DENND10: variants seen among roughly 807,000 people sequenced by gnomAD.
DENND10 encodes the protein DENN domain-containing protein 10.
DENND10 carries 24 observed loss-of-function variants against 43.6 expected under a neutral mutation model. The ratio of observed to expected loss-of-function variants is 0.55; its 90% CI spans 0.40 to 0.77. DENND10 has a LOEUF of 0.77. DENND10 is among the 30% of genes least tolerant of loss of function. DENND10 has a pLI of 0.00. For synonymous variants in DENND10, 125 were observed against 157.6 expected (o/e 0.79, Z 1.55); for missense variants, 303 against 429.9 (o/e 0.70, Z 2.61).
intron 8 of DENND10, chr10:119,134,579 C>T (rs1319051690): frequency 6.6e-6 from 1 of 151,432 alleles, no homozygotes; most frequent in African/African-American, 2.4e-5. Context: ...TCTTGAACTT[C>T]TGACCTCAAA....
At chr10:119,107,027 G>A (rs1222970955) in intron 1 of DENND10, among the ~76,000 whole-genome samples, 1 of 151,322 alleles carries the variant, frequency 6.6e-6, no homozygotes, top group Non-Finnish European at 1.5e-5. Flanking sequence ...TCCAGCCTGG[G>A]CAATAAGAGC....
At chr10:119,116,737 C>T (rs944889951) in intron 3 of DENND10, among the ~76,000 whole-genome samples, 6 of 148,338 alleles carry the variant, frequency 4.0e-5, no homozygotes, top group African/African-American at 7.5e-5. Context: ...GGTGCAATCT[C>T]GGCTCATTGT....
intron 3 of DENND10, among the ~76,000 whole-genome samples, chr10:119,116,242 G>GTTT (rs1279612734): frequency 2.6e-5 from 4 of 152,170 alleles, no homozygotes; most frequent in Non-Finnish European, 4.4e-5. Flanking sequence ...AATGCAGCCA[G>GTTT]TTTCCTGTCA....
intron 3 of DENND10, among the ~76,000 whole-genome samples, chr10:119,115,090 G>A (rs1341784393): frequency 6.6e-6 from 1 of 152,004 alleles, no homozygotes; most frequent in African/African-American, 2.4e-5. Context: ...AAAGCTAATG[G>A]CATTTTGGTT....
chr10:119,107,496 C>T (rs558907286), intron 1 of DENND10, among the ~76,000 whole-genome samples: 165 of 151,648 alleles, frequency 1.1e-3, no homozygotes, highest in Middle Eastern at 0.01. Flanking sequence ...CTCTGCCTCC[C>T]GGGTTCAAGC....
intron 1 of DENND10, among the ~76,000 whole-genome samples, chr10:119,104,405 C>G (rs1474815681): frequency 6.6e-6 from 1 of 151,414 alleles, no homozygotes; most frequent in Non-Finnish European, 1.5e-5. Flanking sequence ...CCCGCCCGCC[C>G]GCGGCCGCCT....
At chr10:119,108,728 C>T (rs988166297) in intron 2 of DENND10, among the ~76,000 whole-genome samples, 3 of 150,900 alleles carry the variant, frequency 2.0e-5, no homozygotes, top group Admixed American at 1.3e-4. Flanking sequence ...AATCTCGGCT[C>T]ACTGCAACCT....
rs374544760 is a variant in DENND10 at position 119,104,137 on chromosome 10, C to T, written c.-6C>T. On this transcript the variant is annotated 5_prime_UTR_variant, in exon 1 of 9. Transcript: ENST00000361432. ...CAGCCAGAGCTGCGCGCCGCGGCGG[C>T]GGAAGATGGCTGCGGCCGAGGTGGC... The T allele has an allele frequency of 2.7e-6, 4 of 1,508,538 alleles. No individual in the cohort carries two copies. The highest frequency in any genetic ancestry group is 4.6e-5 in the Admixed American group (2 of 43,904). The allele number at this position is 1,508,538 out of a possible 1,614,324, so 93.4% of individuals were successfully genotyped here.
chr10:119,124,540 C>T (rs1004606319), intron 6 of DENND10, among the ~76,000 whole-genome samples: 7 of 151,776 alleles, frequency 4.6e-5, no homozygotes, highest in Admixed American at 1.3e-4. Context: ...GACTCTGTCT[C>T]CAGAAAAAAA....
intron 7 of DENND10, among the ~76,000 whole-genome samples, chr10:119,130,787 T>C (rs1162968829): frequency 6.6e-6 from 1 of 152,206 alleles, no homozygotes; most frequent in African/African-American, 2.4e-5. Context: ...CATGGGCCTC[T>C]CCATAGGGTT....
chr10:119,114,801 A>C, intron 3 of DENND10, among the ~76,000 whole-genome samples: 3 of 146,226 alleles, frequency 2.1e-5, no homozygotes, highest in Non-Finnish European at 3.0e-5. Flanking sequence ...ATAGAGTTTC[A>C]CTCTGTCACC....
intron 7 of DENND10, among the ~76,000 whole-genome samples, chr10:119,130,307 C>T (rs1385486458): frequency 6.6e-6 from 1 of 152,058 alleles, no homozygotes; most frequent in Admixed American, 6.6e-5. Context: ...ATTACAGGCA[C>T]CCGCCACCGC....
At chr10:119,115,737 C>T (rs975643988) in intron 3 of DENND10, among the ~76,000 whole-genome samples, 18 of 147,710 alleles carry the variant, frequency 1.2e-4, no homozygotes, top group Admixed American at 3.4e-4. Context: ...TTCATTTAGT[C>T]TATGATAAAT....
At chr10:119,128,611 AAAAAAAC>A (rs1241772745) in intron 6 of DENND10, among the ~76,000 whole-genome samples, 2 of 151,576 alleles carry the variant, frequency 1.3e-5, no homozygotes, top group Non-Finnish European at 2.9e-5. Flanking sequence ...GTCTCAAAAA[AAAAAAAC>A]AAAAAAACTG....
Position 119,120,453 on chromosome 10 carries a change from G to T in DENND10, c.593+1G>T. 2 of 1,574,042 alleles carry T rather than the reference G, an allele frequency of 1.3e-6. No individual in the cohort carries two copies. Among genetic ancestry groups the T allele is most frequent in the Non-Finnish European group, 1.7e-6 (2 of 1,143,910 alleles). On this transcript the variant is annotated splice_donor_variant, in intron 5 of 8. Coordinates refer to ENST00000361432, the MANE Select transcript of DENND10 (RefSeq NM_207009.4). LOFTEE classifies it high-confidence loss of function. Reference sequence around the variant, plus strand: ...TAGAAGCGGTCCAGGAGTTCACCAGGTATCACCTCTAATTATAAAAAAGTG... The same window carrying T: ...TAGAAGCGGTCCAGGAGTTCACCAGTTATCACCTCTAATTATAAAAAAGTG...
At chr10:119,131,233 T>A (rs11198795) in intron 7 of DENND10, among the ~76,000 whole-genome samples, 76,849 of 151,968 alleles carry the variant, frequency 0.51, 19,711 homozygotes, top group South Asian at 0.63. Flanking sequence ...CCAAGGCGGG[T>A]GGATCACGAG....
intron 1 of DENND10, 70 bp downstream of exon 1, chr10:119,104,267 C>T (rs1037061224): frequency 3.7e-5 from 51 of 1,396,198 alleles, no homozygotes; most frequent in Non-Finnish European, 4.8e-5. Flanking sequence ...CGGCCCGGGG[C>T]AGCCCGGGCT....
In DENND10 at chr10:119,104,149, G is replaced by A. The variant is rs772476931; in HGVS notation, c.7G>A (p.Ala3Thr). The A allele has an allele frequency of 2.0e-6, 3 of 1,516,112 alleles. No individual in the cohort carries two copies. Among genetic ancestry groups the A allele is most frequent in the East Asian group, 2.7e-5 (1 of 37,124 alleles). The allele number at this position is 1,516,112 out of a possible 1,614,324, so 93.9% of individuals were successfully genotyped here. The change falls in exon 1 of 9, where the codon GCG (alanine) becomes ACG (threonine). Residue 3 changes from alanine (A) to threonine (T), a missense_variant. Physicochemically the swap from Ala to Thr is moderately conservative, Grantham distance 58. Transcript: ENST00000361432. MA[A>T]AEVADTQLML... Reference sequence around the variant, plus strand: ...CGCGCCGCGGCGGCGGAAGATGGCTGCGGCCGAGGTGGCGGACACTCAGCT... The same window carrying A: ...CGCGCCGCGGCGGCGGAAGATGGCTACGGCCGAGGTGGCGGACACTCAGCT...
Position 119,111,872 on chromosome 10 carries a change from G to C in DENND10, c.276G>C (p.Leu92=), listed in dbSNP as rs577612097. The part of the protein sequence containing the change: ...LKKVTHFSIV[L]TAKDFNPEKY... ...AGGTGACTCATTTTTCTATTGTCCT[G>C]ACCGCCAAAGATTTTAACCCAGAGA... Residue 92 remains leucine, a synonymous_variant, in exon 3 of 9, where the codon CTG becomes CTC. Transcript: ENST00000361432. The C allele has an allele frequency of 3.7e-4, 597 of 1,613,378 alleles. 8 individuals carry two copies. The South Asian group carries it at 6.2e-3, about 17-fold the overall frequency.
Sources: allele counts gnomAD v4.1 joint callset (sites outside exome capture counted in the v4.1 genomes callset), GRCh38; gene constraint gnomAD v4.1.1; transcripts MANE v1.5; gene names NCBI Gene and HGNC (gene_info 2026-07-23, HGNC 2026-07-21).